The following NAALADL2 variants were observed in gnomAD, a reference collection of about 807,000 sequenced individuals.
The protein encoded by NAALADL2 is inactive N-acetylated-alpha-linked acidic dipeptidase-like protein 2.
Under a neutral mutation model 87.2 loss-of-function variants are expected in NAALADL2, and 76 were observed. That is an observed-to-expected ratio of 0.87 (90% CI 0.72 to 1.05). The LOEUF is 1.05. Ranked by LOEUF, NAALADL2 falls within the 50% of genes least tolerant of loss-of-function variation. The pLI is 0.00. For missense variants in NAALADL2, 1,089 were observed against 945.8 expected (o/e 1.15, Z -1.99); for synonymous variants, 354 against 331.0 (o/e 1.07, Z -0.75).
chr3:174,743,836 C>A (rs1282005400), intron 3 of NAALADL2, among the ~76,000 whole-genome samples: 2 of 151,716 alleles, frequency 1.3e-5, no homozygotes, highest in Non-Finnish European at 3.0e-5. Flanking sequence ...AATTTAGAAT[C>A]TCATCATGTG....
chr3:175,683,270 T>C (rs1889263), intron 11 of NAALADL2, among the ~76,000 whole-genome samples: 7,280 of 152,058 alleles, frequency 0.048, 224 homozygotes, highest in South Asian at 0.13. Flanking sequence ...TGTTAGATTG[T>C]GGTTCAATTG....
intron 1 of NAALADL2, among the ~76,000 whole-genome samples, chr3:174,545,584 C>G (rs1442089374): frequency 1.3e-5 from 2 of 152,104 alleles, no homozygotes; most frequent in African/African-American, 2.4e-5. Context: ...TGCTTCTTTA[C>G]TCAGAAAATT....
At chr3:174,784,073 A>G (rs1716314759) in intron 3 of NAALADL2, among the ~76,000 whole-genome samples, 1 of 152,220 alleles carries the variant, frequency 6.6e-6, no homozygotes, top group Non-Finnish European at 1.5e-5. Flanking sequence ...CTTACTATAT[A>G]TATAAATATT....
chr3:174,618,339 CA>C lies in NAALADL2; in HGVS notation c.-115+67707del, dbSNP rs199568276. Among the ~76,000 whole-genome samples, 712 of 151,708 alleles carry C rather than the reference CA, an allele frequency of 4.7e-3. 3 individuals carry two copies. Among genetic ancestry groups the C allele is most frequent in the East Asian group, 0.014 (72 of 5,174 alleles). Reference sequence around the variant, plus strand: ...TAAATTCAGTGATGCTGTATTGTGGCAAAAAGATACAAGTAAAGAATCAAAG... The same window carrying C: ...TAAATTCAGTGATGCTGTATTGTGGCAAAAGATACAAGTAAAGAATCAAAG... On this transcript the variant is annotated intron_variant, in intron 2 of 3. Coordinates refer to the NAALADL2 transcript ENST00000434257.
intron 2 of NAALADL2, among the ~76,000 whole-genome samples, chr3:175,111,469 A>C (rs905413189): frequency 6.6e-6 from 1 of 151,768 alleles, no homozygotes; most frequent in Non-Finnish European, 1.5e-5. Context: ...AAATAGGAAT[A>C]TGCACCTAGA....
chr3:175,150,515 C>A (rs1301058028), intron 2 of NAALADL2, among the ~76,000 whole-genome samples: 2 of 152,222 alleles, frequency 1.3e-5, no homozygotes, highest in South Asian at 4.1e-4. Flanking sequence ...ATGGTGAGTG[C>A]ACCCACAAAA....
chr3:175,633,362 T>G (rs530565487), intron 11 of NAALADL2, among the ~76,000 whole-genome samples: 28 of 152,230 alleles, frequency 1.8e-4, no homozygotes, highest in Non-Finnish European at 3.4e-4. Context: ...TATTATCACT[T>G]TCTTGCTAAA....
chr3:175,148,889 TTTAG>T (rs1731158300), intron 2 of NAALADL2, among the ~76,000 whole-genome samples: 1 of 152,120 alleles, frequency 6.6e-6, no homozygotes. Context: ...ACATCTGGCT[TTTAG>T]TTTGTTTGTT....
At chr3:174,736,896 T>G (rs1733269984) in intron 2 of NAALADL2, among the ~76,000 whole-genome samples, 1 of 152,188 alleles carries the variant, frequency 6.6e-6, no homozygotes, top group Admixed American at 6.5e-5. Context: ...CTGTGCTTGT[T>G]GGTGCCCAAA....
chr3:175,122,824 T>C (rs185492368), intron 2 of NAALADL2, among the ~76,000 whole-genome samples: 59 of 151,934 alleles, frequency 3.9e-4, no homozygotes, highest in Admixed American at 3.2e-3. Flanking sequence ...TTATAAACAA[T>C]AGAAATTTAT....
intron 2 of NAALADL2, among the ~76,000 whole-genome samples, chr3:175,109,646 C>T (rs1281937046): frequency 1.3e-5 from 2 of 151,844 alleles, no homozygotes; most frequent in Non-Finnish European, 2.9e-5. Flanking sequence ...CAACTTCAAA[C>T]GAACACTTAC....
At chr3:175,437,769 A>G (rs531545393) in intron 5 of NAALADL2, among the ~76,000 whole-genome samples, 5 of 152,260 alleles carry the variant, frequency 3.3e-5, no homozygotes, top group East Asian at 3.9e-4. Flanking sequence ...ATCAATGTGT[A>G]GTACTTTTTA....
chr3:174,755,650 C>G (rs1297746849), intron 3 of NAALADL2, among the ~76,000 whole-genome samples: 4 of 152,184 alleles, frequency 2.6e-5, no homozygotes, highest in Non-Finnish European at 4.4e-5. Context: ...AAGAGGGACA[C>G]ATTTCCTCTT....
chr3:175,067,880 A>G (rs771137979), intron 1 of NAALADL2, among the ~76,000 whole-genome samples: 2 of 152,166 alleles, frequency 1.3e-5, no homozygotes, highest in Non-Finnish European at 2.9e-5. Context: ...AAAATGTGGT[A>G]TATATACACC....
At chr3:174,990,455 G>T (rs950786480) in intron 1 of NAALADL2, among the ~76,000 whole-genome samples, 1 of 152,058 alleles carries the variant, frequency 6.6e-6, no homozygotes, top group African/African-American at 2.4e-5. Flanking sequence ...AGAGATTTCA[G>T]TTCCAAAAAT....
At chr3:174,689,397 CTT>C (rs58366472) in intron 2 of NAALADL2, among the ~76,000 whole-genome samples, 1 of 149,468 alleles carries the variant, frequency 6.7e-6, no homozygotes, top group Non-Finnish European at 1.5e-5. Context: ...CCCGCTTCAC[CTT>C]TTTTTTACCA....
intron 10 of NAALADL2, 109 bp downstream of exon 10, chr3:175,576,296 A>G (rs1367744293): frequency 3.0e-6 from 3 of 983,952 alleles, no homozygotes; most frequent in Non-Finnish European, 3.0e-6. Context: ...CACTATAGAA[A>G]AGCGGCTTCA....
chr3:175,737,183 A>C (rs576105263), intron 11 of NAALADL2, 123 bp from the exon 12 acceptor site: 6 of 614,158 alleles, frequency 9.8e-6, no homozygotes, highest in African/African-American at 3.8e-5. Context: ...TTATAAAACT[A>C]TATTATTCCT....
chr3:175,212,804 G>A (rs1332441575), intron 2 of NAALADL2, among the ~76,000 whole-genome samples: 1 of 152,138 alleles, frequency 6.6e-6, no homozygotes, highest in African/African-American at 2.4e-5. Flanking sequence ...AATAACAAAA[G>A]AGTTGCTGAT....
Sources: allele counts gnomAD v4.1 joint callset (sites outside exome capture counted in the v4.1 genomes callset), GRCh38; gene constraint gnomAD v4.1.1; transcripts MANE v1.5; gene names NCBI Gene and HGNC (gene_info 2026-07-23, HGNC 2026-07-21).